Variants in SEC14L5 observed in about 807,000 individuals in gnomAD.
SEC14L5 encodes SEC14 like lipid binding 5, also known as SEC14-like protein 5.
A neutral mutation model predicts 84.6 loss-of-function variants in SEC14L5; 96 were observed. The observed-to-expected ratio is 1.13, with a 90% CI of 0.96 to 1.34. The LOEUF (loss-of-function observed/expected upper bound fraction) is 1.34, where lower values mean the gene tolerates loss of function less well. Among genes scored for constraint, SEC14L5 ranks in the 40% most tolerant of loss-of-function variants. The probability of loss-of-function intolerance (pLI) is 0.00; values close to 1 mark genes in which losing one functional copy is unlikely to be tolerated. For missense variants in SEC14L5, 1,224 were observed against 942.5 expected (o/e 1.30, Z -3.91); for synonymous variants, 546 against 383.4 (o/e 1.42, Z -4.95).
chr16:4,960,748 G>A (rs1770553421), intron 2 of SEC14L5: 1 of 152,142 alleles, frequency 6.6e-6, no homozygotes, highest in African/African-American at 2.4e-5. Context: ...TCATGCTGTG[G>A]ATTAAATGAG....
rs1955739814 is a variant in SEC14L5, at chr16:5,007,037, G to C, written c.1438-315G>C. On this transcript the variant is annotated intron_variant, in intron 12 of 15. Transcript: ENST00000251170. The stretch of plus-strand genomic sequence containing the variant: ...AGCCTGGCTGTCAGTCCGGCACCGG[G>C]GTAAAGGGACATGAGCATGGGGCTG... 2.0e-5 allele frequency among the ~76,000 whole-genome samples: 3 copies of C among 152,284 alleles called. No homozygotes were observed. The South Asian group carries it at 6.2e-4, about 32-fold the overall frequency.
At chr16:4,972,970 A>G (rs1232448532) in intron 2 of SEC14L5, among the ~76,000 whole-genome samples, 1 of 152,196 alleles carries the variant, frequency 6.6e-6, no homozygotes, top group Admixed American at 6.5e-5. Flanking sequence ...GTAAATGTCT[A>G]TTGAGTGTTG....
At chr16:4,979,088 C>G (rs1008964662) in intron 2 of SEC14L5, among the ~76,000 whole-genome samples, 1 of 152,120 alleles carries the variant, frequency 6.6e-6, no homozygotes. Context: ...GAGGCTGGAC[C>G]CTCAGAGGTG....
intron 6 of SEC14L5, among the ~76,000 whole-genome samples, chr16:4,993,109 C>G (rs939362927): frequency 1.3e-5 from 2 of 152,064 alleles, no homozygotes; most frequent in Non-Finnish European, 2.9e-5. Flanking sequence ...GTGGTGCAAT[C>G]GTGTCTCTCT....
At chr16:5,002,682 A>G (rs1955690031) in intron 10 of SEC14L5, among the ~76,000 whole-genome samples, 1 of 152,100 alleles carries the variant, frequency 6.6e-6, no homozygotes, top group South Asian at 2.1e-4. Context: ...TGGGAGGTGG[A>G]GGCTCCCGGG....
At chr16:4,980,902 A>G (rs1338667758) in intron 2 of SEC14L5, among the ~76,000 whole-genome samples, 1 of 152,094 alleles carries the variant, frequency 6.6e-6, no homozygotes, top group African/African-American at 2.4e-5. Context: ...ACTGTCAAGA[A>G]ATTGATCAGC....
At chr16:4,979,845 G>A (rs139219545) in intron 2 of SEC14L5, among the ~76,000 whole-genome samples, 5 of 152,280 alleles carry the variant, frequency 3.3e-5, no homozygotes, top group African/African-American at 9.6e-5. Flanking sequence ...CTGCCATCCA[G>A]GGAGGTGAAC....
chr16:4,972,345 A>C (rs1344932776), intron 2 of SEC14L5, among the ~76,000 whole-genome samples: 2 of 152,156 alleles, frequency 1.3e-5, no homozygotes, highest in Admixed American at 1.3e-4. Flanking sequence ...ACGTAACATA[A>C]AACTTCCCAT....
chr16:4,996,953 G>C lies in SEC14L5; in HGVS notation c.879G>C (p.Lys293Asn), dbSNP rs945505526. 1 of 1,613,508 alleles carries C rather than the reference G, an allele frequency of 6.2e-7. No homozygotes were observed. Among genetic ancestry groups the C allele is most frequent in the South Asian group, 1.1e-5 (1 of 91,022 alleles). The change falls in exon 8 of 16, where the codon AAG becomes AAC. Residue 293 changes from lysine to asparagine, a missense_variant. Coordinates refer to ENST00000251170, the MANE Select transcript of SEC14L5 (RefSeq NM_014692.2). ...EMLRQSLSWR[K>N]QHQVDLLLQT... ...TGCGCCAGTCCTTGAGCTGGCGCAA[G>C]CAGCACCAGGTGGATCTCCTCCTTC...
chr16:4,976,817 G>A (rs894548525), intron 2 of SEC14L5, among the ~76,000 whole-genome samples: 10 of 152,226 alleles, frequency 6.6e-5, no homozygotes, highest in Non-Finnish European at 1.3e-4. Flanking sequence ...GTGGCCTTGT[G>A]TTCCTGAGAG....
At chr16:4,961,371 C>T (rs1239793727) in intron 2 of SEC14L5, among the ~76,000 whole-genome samples, 1 of 152,206 alleles carries the variant, frequency 6.6e-6, no homozygotes, top group Non-Finnish European at 1.5e-5. Flanking sequence ...CTCTGTTGCC[C>T]AGACTGGAGT....
chr16:4,979,828 C>T (rs1955398095), intron 2 of SEC14L5, among the ~76,000 whole-genome samples: 2 of 152,158 alleles, frequency 1.3e-5, no homozygotes, highest in East Asian at 3.9e-4. Context: ...TCCCTGCATC[C>T]CCTTCTCTGC....
rs1427338052 is a variant in SEC14L5 at position 5,015,761 on chromosome 16, T to TG, written c.*792dup. Reference sequence around the variant, plus strand: ...TTATGCAGTATCAAGATGTGCTTGGTGAGCAGTTAAGTGAGTTACAGGCGC... The same window carrying TG: ...TTATGCAGTATCAAGATGTGCTTGGTGGAGCAGTTAAGTGAGTTACAGGCGC... On this transcript the variant is annotated 3_prime_UTR_variant, in exon 16 of 16. Transcript: ENST00000251170. The TG allele has an allele frequency of 1.3e-5, 2 of 152,284 alleles. No individual in the cohort carries two copies. The highest frequency in any genetic ancestry group is 4.8e-5 in the African/African-American group (2 of 41,474). 9.4% of individuals were successfully genotyped at this position (152,284 alleles called of 1,614,324 possible). A position where few individuals can be genotyped will look rare whatever the true frequency, so the allele number is the denominator to read the frequency against.
At chr16:4,997,171 T>A in intron 8 of SEC14L5, 127 bp downstream of exon 8, 1 of 618,468 alleles carries the variant, frequency 1.6e-6, no homozygotes, top group Non-Finnish European at 2.6e-6. Context: ...CCATCTCGGC[T>A]CACCATAATC....
At chr16:5,006,597 G>GC (rs890775980) in intron 12 of SEC14L5, among the ~76,000 whole-genome samples, 4 of 152,128 alleles carry the variant, frequency 2.6e-5, no homozygotes, top group Admixed American at 2.6e-4. Flanking sequence ...ATCTCATATG[G>GC]CCCCCAGTGG....
At chr16:5,009,580 T>C (rs1013145081) in intron 14 of SEC14L5, among the ~76,000 whole-genome samples, 2 of 152,104 alleles carry the variant, frequency 1.3e-5, no homozygotes, top group African/African-American at 4.8e-5. Context: ...TGCTTCAGCC[T>C]CCCAAAGTGC....
chr16:4,994,814 C>G (rs1281690767), intron 6 of SEC14L5, among the ~76,000 whole-genome samples: 2 of 152,088 alleles, frequency 1.3e-5, no homozygotes, highest in African/African-American at 4.8e-5. Flanking sequence ...CCGCCAGCAG[C>G]ACAGGCACTC....
At chr16:4,963,442 T>A (rs1955154005) in intron 2 of SEC14L5, among the ~76,000 whole-genome samples, 1 of 152,012 alleles carries the variant, frequency 6.6e-6, no homozygotes, top group South Asian at 2.1e-4. Context: ...GCCTTCTGGG[T>A]TCAAGTGATT....
chr16:4,976,475 C>A (rs1568113921), intron 2 of SEC14L5, among the ~76,000 whole-genome samples: 1 of 152,186 alleles, frequency 6.6e-6, no homozygotes, highest in East Asian at 1.9e-4. Context: ...ATGTATGAAG[C>A]AATAAAATAG....
Sources: gnomAD v4.1 joint callset for allele counts (sites outside exome capture counted in the v4.1 genomes callset) on GRCh38, gnomAD v4.1.1 for gene constraint, MANE v1.5 for transcripts, NCBI Gene and HGNC (gene_info 2026-07-23, HGNC 2026-07-21) for gene names.